The following JMY variants were observed in gnomAD, a reference collection of about 807,000 sequenced individuals.
JMY encodes junction-mediating and -regulatory protein.
A neutral mutation model predicts 103.3 loss-of-function variants in JMY; 46 were observed. The ratio of observed to expected loss-of-function variants is 0.45; its 90% CI spans 0.35 to 0.57. The LOEUF (loss-of-function observed/expected upper bound fraction) is 0.57. JMY is among the 20% of genes least tolerant of loss of function. JMY has a pLI of 0.00. For missense variants in JMY, 1,238 were observed against 1,255.2 expected, an observed-to-expected ratio of 0.99 and a Z score of 0.21; for synonymous variants, 526 against 489.3, an observed-to-expected ratio of 1.07 and a Z score of -0.99.
chr5:79,270,591 T>TTATA lies in JMY; in HGVS notation c.1033-7317_1033-7316insTATA, dbSNP rs1491530868. On this transcript the variant is annotated intron_variant, in intron 1 of 10. Transcript: ENST00000396137. ...TTAAAATGTATATTTACATAAATAT[T>TTATA]TAAAATGTATATTTACATAAATGTT... Among the ~76,000 whole-genome samples the TTATA allele has an allele frequency of 6.1e-3, 179 of 29,222 alleles. 6 individuals carry two copies. The highest frequency in any genetic ancestry group is 0.012 in the Non-Finnish European group (119 of 10,036). The allele number at this position is 29,222 out of a possible 152,430, so 19.2% of individuals were successfully genotyped here.
Position 79,326,917 on chromosome 5 carries a change from C to CTAAAG in JMY, c.*5318_*5322dup, listed in dbSNP as rs780819999. ...TACTTAAATATGTTCAATTAACATCCTAAAGTATTAAAAGTACAGAGGAAA... is the reference window on the plus strand; with the variant it reads ...TACTTAAATATGTTCAATTAACATCCTAAAGTAAAGTATTAAAAGTACAGAGGAAA... On this transcript the variant is annotated 3_prime_UTR_variant, in exon 11 of 11. Coordinates refer to ENST00000396137, the MANE Select transcript of JMY (RefSeq NM_152405.5). The CTAAAG allele has an allele frequency of 3.2e-4, 48 of 152,128 alleles. No homozygotes were observed. The highest frequency in any genetic ancestry group is 7.5e-4 in the African/African-American group (31 of 41,450). The allele number at this position is 152,128 out of a possible 1,614,324, so 9.4% of individuals were successfully genotyped here.
rs767963433 is a variant in JMY at position 79,237,613 on chromosome 5, A to C, written c.963A>C (p.Glu321Asp). 2.5e-6 allele frequency: 4 copies of C among 1,613,684 alleles called. No individual in the cohort carries two copies. Among genetic ancestry groups the C allele is most frequent in the Non-Finnish European group, 1.7e-6 (2 of 1,179,986 alleles). Residue 321 changes from glutamate (E) to aspartate (D), a missense_variant, in exon 1 of 11, where the codon GAA (glutamate) becomes GAC (aspartate). Transcript: ENST00000396137. The part of the protein sequence containing the change: ...TETDDPEEYY[E>D]SLSELRQKGY... ...CCGATGATCCCGAGGAGTATTACGAAAGCCTCAGCGAGCTGCGGCAGAAGG... is the reference window on the plus strand; with the variant it reads ...CCGATGATCCCGAGGAGTATTACGACAGCCTCAGCGAGCTGCGGCAGAAGG...
chr5:79,257,560 C>T (rs181643963), intron 1 of JMY, among the ~76,000 whole-genome samples: 64 of 152,280 alleles, frequency 4.2e-4, no homozygotes, highest in African/African-American at 1.4e-3. Flanking sequence ...GCCATGATTG[C>T]ACCACTGCAT....
At chr5:79,269,506 AATTTATAG>A (rs1023920592) in intron 1 of JMY, among the ~76,000 whole-genome samples, 3 of 152,260 alleles carry the variant, frequency 2.0e-5, no homozygotes, top group African/African-American at 7.2e-5. Flanking sequence ...GATTGCATTG[AATTTATAG>A]ATCAAGTTAG....
At chr5:79,260,384 C>T (rs1745385836) in intron 1 of JMY, among the ~76,000 whole-genome samples, 2 of 152,198 alleles carry the variant, frequency 1.3e-5, no homozygotes, top group African/African-American at 4.8e-5. Flanking sequence ...TGCCTCCCCA[C>T]TGCAACTGAT....
intron 7 of JMY, among the ~76,000 whole-genome samples, chr5:79,308,758 C>T (rs1004696859): frequency 2.0e-5 from 3 of 151,932 alleles, no homozygotes; most frequent in Admixed American, 6.6e-5. Flanking sequence ...TTTATTTTAG[C>T]CTCTACCGCC....
At chr5:79,259,991 C>G (rs1427660255) in intron 1 of JMY, among the ~76,000 whole-genome samples, 1 of 152,212 alleles carries the variant, frequency 6.6e-6, no homozygotes, top group Non-Finnish European at 1.5e-5. Flanking sequence ...CTCAGGGCCC[C>G]TCTCTGCCTG....
chr5:79,286,342 T>C (rs1173966206), intron 2 of JMY, among the ~76,000 whole-genome samples: 1 of 152,140 alleles, frequency 6.6e-6, no homozygotes, highest in African/African-American at 2.4e-5. Flanking sequence ...TTTTTTTGCC[T>C]CTTCAAAAAG....
rs887193214 is a variant in JMY at position 79,244,950 on chromosome 5, G to A, written c.1032+7268G>A. Among the ~76,000 whole-genome samples, 3 of 151,744 alleles carry A rather than the reference G, an allele frequency of 2.0e-5. No homozygotes were observed. In the East Asian group the frequency reaches 5.8e-4, roughly 29 times the overall value. On this transcript the variant is annotated intron_variant, in intron 1 of 10. Transcript: ENST00000396137. ...CATATCTAAGTTATTAAACTGCATA[G>A]GGGCAGAGAAGAATTTATCCAGCAA...
intron 7 of JMY, among the ~76,000 whole-genome samples, chr5:79,311,890 C>A (rs1976276): frequency 0.62 from 93,677 of 151,940 alleles, 29,499 homozygotes; most frequent in African/African-American, 0.76. Flanking sequence ...TATCTCGGCT[C>A]ACTGCAACCT....
At chr5:79,282,818 G>A (rs1746158282) in intron 2 of JMY, among the ~76,000 whole-genome samples, 1 of 152,092 alleles carries the variant, frequency 6.6e-6, no homozygotes, top group South Asian at 2.1e-4. Flanking sequence ...GTGTTTGATA[G>A]CAAAACCTGC....
At chr5:79,260,580 G>A (rs188308534) in intron 1 of JMY, among the ~76,000 whole-genome samples, 4 of 149,392 alleles carry the variant, frequency 2.7e-5, no homozygotes, top group Non-Finnish European at 5.9e-5. Flanking sequence ...TTGTAGAGAC[G>A]GGGTTTTGCC....
chr5:79,271,128 T>C (rs1745771242), intron 1 of JMY, among the ~76,000 whole-genome samples: 1 of 151,996 alleles, frequency 6.6e-6, no homozygotes, highest in Non-Finnish European at 1.5e-5. Flanking sequence ...GGCAGTGGCA[T>C]GATCAGGACT....
chr5:79,292,842 T>C (rs1746462787), intron 4 of JMY, among the ~76,000 whole-genome samples: 1 of 152,182 alleles, frequency 6.6e-6, no homozygotes, highest in Non-Finnish European at 1.5e-5. Context: ...CCCATTAATG[T>C]AATAGTCTGG....
chr5:79,265,354 A>G (rs184821875), intron 1 of JMY, among the ~76,000 whole-genome samples: 3 of 152,338 alleles, frequency 2.0e-5, no homozygotes, highest in South Asian at 2.1e-4. Flanking sequence ...GGATATTAAG[A>G]TATTTATTAA....
Position 79,323,066 on chromosome 5 carries a change from C to T in JMY, c.*1464C>T, listed in dbSNP as rs1480007167. On this transcript the variant is annotated 3_prime_UTR_variant, in exon 11 of 11. Transcript: ENST00000396137. The stretch of plus-strand genomic sequence containing the variant: ...GGCAACAGGTTATGTAAGACAACAA[C>T]TTTTTTTATTATTTCAAAACAAAAC... The T allele has an allele frequency of 6.6e-6, 1 of 151,718 alleles. No homozygotes were observed. The highest frequency in any genetic ancestry group is 1.9e-4 in the East Asian group (1 of 5,172). The allele number at this position is 151,718 out of a possible 1,614,324, so 9.4% of individuals were successfully genotyped here. A position where few individuals can be genotyped will look rare whatever the true frequency, so the allele number is the denominator to read the frequency against.
At chr5:79,256,379 C>T (rs1392366748) in intron 1 of JMY, among the ~76,000 whole-genome samples, 1 of 152,034 alleles carries the variant, frequency 6.6e-6, no homozygotes, top group African/African-American at 2.4e-5. Context: ...ATCCAAGAGT[C>T]AAGTCCTGGA....
intron 1 of JMY, among the ~76,000 whole-genome samples, chr5:79,274,065 G>T (rs1027929765): frequency 6.6e-6 from 1 of 152,002 alleles, no homozygotes; most frequent in Non-Finnish European, 1.5e-5. Context: ...TCCTGACCTC[G>T]TGATCTGCCC....
chr5:79,300,346 T>A, intron 5 of JMY, 28 bp downstream of exon 5: 1 of 1,477,388 alleles, frequency 6.8e-7, no homozygotes, highest in Non-Finnish European at 9.0e-7. Context: ...CCACATAAGT[T>A]CACCAAAGAT....
Sources: gnomAD v4.1 joint callset for allele counts (sites outside exome capture counted in the v4.1 genomes callset) on GRCh38, gnomAD v4.1.1 for gene constraint, MANE v1.5 for transcripts, NCBI Gene and HGNC (gene_info 2026-07-23, HGNC 2026-07-21) for gene names.